TULP4: variants seen among roughly 807,000 people sequenced by gnomAD.
The protein encoded by TULP4 is TUB like protein 4, also known as tubby-related protein 4.
Under a neutral mutation model 129.0 loss-of-function variants are expected in TULP4, and 16 were observed. That is an observed-to-expected ratio of 0.12 (90% CI 0.08 to 0.19). TULP4 has a LOEUF of 0.19. Among genes scored for constraint, TULP4 ranks in the 10% least tolerant of loss-of-function variants. The probability of loss-of-function intolerance (pLI) is 1.00; values close to 1 mark genes in which losing one functional copy is unlikely to be tolerated. For synonymous variants in TULP4, 998 were observed against 854.0 expected (o/e 1.17, Z -2.94); for missense variants, 1,842 against 2,059.1 (o/e 0.89, Z 2.04).
intron 6 of TULP4, among the ~76,000 whole-genome samples, chr6:158,473,000 T>C (rs943435767): frequency 1.3e-5 from 2 of 152,246 alleles, no homozygotes; most frequent in African/African-American, 4.8e-5. Flanking sequence ...TTCAATAATT[T>C]AGGCCCAGGT....
chr6:158,356,275 G>T (rs1467345515), intron 1 of TULP4, among the ~76,000 whole-genome samples: 1 of 152,104 alleles, frequency 6.6e-6, no homozygotes, highest in African/African-American at 2.4e-5. Flanking sequence ...TGGCCTAGGG[G>T]GTCCCAAGCT....
chr6:158,232,945 C>T (rs1325496118), intron 1 of TULP4, among the ~76,000 whole-genome samples: 2 of 152,262 alleles, frequency 1.3e-5, no homozygotes, highest in Non-Finnish European at 2.9e-5. Flanking sequence ...TTTCCTCTGG[C>T]AAATCACGGA....
At chr6:158,450,954 A>G (rs900360330) in intron 4 of TULP4, among the ~76,000 whole-genome samples, 1 of 151,958 alleles carries the variant, frequency 6.6e-6, no homozygotes, top group Non-Finnish European at 1.5e-5. Flanking sequence ...AATCCCAGCT[A>G]CTCCGGAGGC....
chr6:158,347,728 C>T (rs1780344696), intron 1 of TULP4, among the ~76,000 whole-genome samples: 1 of 152,220 alleles, frequency 6.6e-6, no homozygotes, highest in Admixed American at 6.5e-5. Context: ...CTGGGTGGTG[C>T]CTTCTTGACA....
intron 1 of TULP4, among the ~76,000 whole-genome samples, chr6:158,347,297 T>C (rs1780335941): frequency 6.6e-6 from 1 of 152,208 alleles, no homozygotes; most frequent in African/African-American, 2.4e-5. Flanking sequence ...CAGTAGCACA[T>C]AATCCATTAA....
chr6:158,414,215 T>C (rs1714787075), intron 2 of TULP4, among the ~76,000 whole-genome samples: 1 of 152,244 alleles, frequency 6.6e-6, no homozygotes, highest in Admixed American at 6.5e-5. Context: ...TAATATTGAC[T>C]GACTGATAAG....
At chr6:158,462,357 A>G (rs1779447493) in intron 6 of TULP4, among the ~76,000 whole-genome samples, 2 of 149,708 alleles carry the variant, frequency 1.3e-5, no homozygotes, top group Admixed American at 6.6e-5. Context: ...ACCCTTACAT[A>G]TGTAGATTTT....
chr6:158,498,068 A>G (rs183834971), intron 11 of TULP4, among the ~76,000 whole-genome samples: 1 of 152,364 alleles, frequency 6.6e-6, no homozygotes, highest in African/African-American at 2.4e-5. Flanking sequence ...ATCAAATTAA[A>G]TCTTGAGGTT....
chr6:158,476,000 CCAAA>C (rs545609218), intron 6 of TULP4, among the ~76,000 whole-genome samples: 10 of 152,270 alleles, frequency 6.6e-5, no homozygotes, highest in Admixed American at 3.9e-4. Context: ...TCACTTCTGA[CCAAA>C]CAGTCATCAC....
chr6:158,475,182 C>T (rs560830411), intron 6 of TULP4, among the ~76,000 whole-genome samples: 9 of 152,342 alleles, frequency 5.9e-5, no homozygotes, highest in African/African-American at 1.7e-4. Flanking sequence ...AGGGCTGGCC[C>T]GCATCTTTTC....
chr6:158,363,437 G>A (rs1780846916), intron 1 of TULP4, among the ~76,000 whole-genome samples: 1 of 151,918 alleles, frequency 6.6e-6, no homozygotes, highest in Admixed American at 6.6e-5. Context: ...TCATTTTGCT[G>A]CCTATTTCCA....
upstream of TULP4, among the ~76,000 whole-genome samples, chr6:158,281,897 G>A (rs565527631): frequency 1.4e-4 from 21 of 152,068 alleles, no homozygotes; most frequent in South Asian, 4.4e-3. Context: ...TTTAATACTG[G>A]GAAAAACATT....
chr6:158,414,145 C>T (rs903734889), intron 2 of TULP4, among the ~76,000 whole-genome samples: 1 of 152,208 alleles, frequency 6.6e-6, no homozygotes, highest in Non-Finnish European at 1.5e-5. Flanking sequence ...GATATCATCA[C>T]AGAAGACCCT....
intron 1 of TULP4, among the ~76,000 whole-genome samples, chr6:158,373,095 A>G (rs1391145424): frequency 6.6e-6 from 1 of 152,240 alleles, no homozygotes; most frequent in Non-Finnish European, 1.5e-5. Context: ...GTTGAACTGT[A>G]AATAAAGGCT....
At chr6:158,341,182 C>T (rs1780172582) in intron 1 of TULP4, among the ~76,000 whole-genome samples, 1 of 152,114 alleles carries the variant, frequency 6.6e-6, no homozygotes, top group Non-Finnish European at 1.5e-5. Flanking sequence ...GTGAAAACCA[C>T]ACGTCATTTG....
At chr6:158,309,797 G>T (rs914686705), upstream of TULP4, among the ~76,000 whole-genome samples, 1 of 151,968 alleles carries the variant, frequency 6.6e-6, no homozygotes, top group African/African-American at 2.4e-5. Context: ...GCCGAGGCAG[G>T]AGAATCAGGC....
chr6:158,457,833 T>C (rs973785823), intron 5 of TULP4, among the ~76,000 whole-genome samples: 12 of 152,210 alleles, frequency 7.9e-5, no homozygotes, highest in African/African-American at 2.7e-4. Context: ...CATCTGCTCC[T>C]GTGGGCAGAC....
At chr6:158,331,094 T>C (rs1372658944) in intron 1 of TULP4, among the ~76,000 whole-genome samples, 1 of 152,168 alleles carries the variant, frequency 6.6e-6, no homozygotes, top group African/African-American at 2.4e-5. Flanking sequence ...GTTATTGGTT[T>C]TTTTCCCCCT....
Position 158,383,237 on chromosome 6 carries a change from C to G in TULP4, c.253-29828C>G, listed in dbSNP as rs549125016. Among the ~76,000 whole-genome samples, 6 of 152,314 alleles carry G rather than the reference C, an allele frequency of 3.9e-5. No individual in the cohort carries two copies. In the South Asian group the frequency reaches 1.2e-3, roughly 32 times the overall value. ...CTTCTCACTACTGTATGCCTCCCTG[C>G]TCTCACAAAGCTCCACCTGCCCAGT... On this transcript the variant is annotated intron_variant, in intron 1 of 13. Transcript: ENST00000367097.
Sources: allele counts gnomAD v4.1 joint callset (sites outside exome capture counted in the v4.1 genomes callset), GRCh38; gene constraint gnomAD v4.1.1; transcripts MANE v1.5; gene names NCBI Gene and HGNC (gene_info 2026-07-23, HGNC 2026-07-21).